APLF: variants seen among roughly 807,000 people sequenced by gnomAD.
The protein encoded by APLF is aprataxin and PNK-like factor.
In APLF, 61 loss-of-function variants were observed where a neutral mutation model predicts 55.6. The observed-to-expected ratio is 1.10, with a 90% CI of 0.89 to 1.36. The LOEUF is 1.36. Among genes scored for constraint, APLF ranks in the 40% most tolerant of loss-of-function variants. The probability of loss-of-function intolerance (pLI) is 0.00; values close to 1 mark genes in which losing one functional copy is unlikely to be tolerated. For synonymous variants in APLF, 207 were observed against 214.8 expected (o/e 0.96, Z 0.32); for missense variants, 611 against 602.5 (o/e 1.01, Z -0.15).
chr2:68,505,729 G>A (rs551816288), intron 3 of APLF, among the ~76,000 whole-genome samples: 1 of 152,164 alleles, frequency 6.6e-6, no homozygotes, highest in South Asian at 2.1e-4. Context: ...TTCCAGTGGA[G>A]TGTTGGGGTA....
rs556886306 is a variant in APLF, at chr2:68,573,859, T to C, written c.1334-3961T>C. 1.4e-4 allele frequency among the ~76,000 whole-genome samples: 21 copies of C among 150,810 alleles called. No individual in the cohort carries two copies. In the East Asian group the frequency reaches 3.9e-3, roughly 28 times the overall value. On this transcript the variant is annotated intron_variant, in intron 9 of 9. Transcript: ENST00000303795. ...ATGCACATTATCACATAACATGTCC[T>C]AATGATATCTCAATAAGACAGTTTC...
chr2:68,467,791 CG>C lies in APLF; in HGVS notation c.64del (p.Glu22ArgfsTer3), dbSNP rs1198737162. ...GCGGTCCCCGGGTGGCCCTGGCGCCCGGGGAGACGGTGATCGGCCGCGGGCC... is the reference window on the plus strand; with the variant it reads ...GCGGTCCCCGGGTGGCCCTGGCGCCCGGGAGACGGTGATCGGCCGCGGGCC... ...DGGPRVALAP[G>X]ETVIGRGPLL... On this transcript the variant is annotated frameshift_variant, in exon 1 of 10. Transcript: ENST00000303795. LOFTEE classifies it high-confidence loss of function. 1 of 1,234,030 alleles carries C rather than the reference CG, an allele frequency of 8.1e-7. No homozygotes were observed. The highest frequency in any genetic ancestry group is 1.0e-6 in the Non-Finnish European group (1 of 988,108). 76.4% of individuals were successfully genotyped at this position (1,234,030 alleles called of 1,614,324 possible). A position where few individuals can be genotyped will look rare whatever the true frequency, so the allele number is the denominator to read the frequency against.
intron 1 of APLF, among the ~76,000 whole-genome samples, chr2:68,489,251 G>A (rs906406861): frequency 6.6e-6 from 1 of 152,174 alleles, no homozygotes; most frequent in African/African-American, 2.4e-5. Context: ...AGGTTTAATT[G>A]AGTTTATGTG....
intron 9 of APLF, among the ~76,000 whole-genome samples, chr2:68,571,180 G>T (rs1199903511): frequency 6.6e-6 from 1 of 151,942 alleles, no homozygotes; most frequent in Non-Finnish European, 1.5e-5. Context: ...GTTCTTTGTA[G>T]ATTCTGGATA....
intron 5 of APLF, 46 bp from the exon 6 acceptor site, chr2:68,526,015 T>G: frequency 6.5e-7 from 1 of 1,526,868 alleles, no homozygotes; most frequent in East Asian, 2.3e-5. Context: ...TATTGACATT[T>G]GAAGATACAG....
chr2:68,576,221 G>A (rs941515921), intron 9 of APLF, among the ~76,000 whole-genome samples: 2 of 152,068 alleles, frequency 1.3e-5, no homozygotes, highest in Non-Finnish European at 2.9e-5. Flanking sequence ...ATTTCCAAGA[G>A]GAAAATAGAC....
chr2:68,482,092 T>A (rs986270133), intron 1 of APLF, among the ~76,000 whole-genome samples: 2 of 143,950 alleles, frequency 1.4e-5, no homozygotes, highest in Non-Finnish European at 3.0e-5. Flanking sequence ...TTTTATAAAT[T>A]TCTTTTTTTT....
Position 68,502,954 on chromosome 2 carries a change from T to C in APLF, c.341+51T>C. The C allele has an allele frequency of 1.3e-6, 2 of 1,551,210 alleles. 1 individual carries two copies. The highest frequency in any genetic ancestry group is 2.4e-5 in the South Asian group (2 of 82,342). On this transcript the variant is annotated intron_variant, in intron 3 of 9. Coordinates refer to ENST00000303795, the MANE Select transcript of APLF (RefSeq NM_173545.3). ...AGAATGTTATTTTTAATCTAATTCCTCAGCCATCACAAATCCTTCGGTAGG... is the reference window on the plus strand; with the variant it reads ...AGAATGTTATTTTTAATCTAATTCCCCAGCCATCACAAATCCTTCGGTAGG...
chr2:68,499,729 C>T (rs1298743940), intron 2 of APLF, among the ~76,000 whole-genome samples: 1 of 152,122 alleles, frequency 6.6e-6, no homozygotes, highest in Non-Finnish European at 1.5e-5. Context: ...GTCCCAGCTA[C>T]TCAGGGGGCT....
chr2:68,574,052 A>G (rs998935323), intron 9 of APLF, among the ~76,000 whole-genome samples: 5 of 151,806 alleles, frequency 3.3e-5, no homozygotes, highest in Non-Finnish European at 7.4e-5. Flanking sequence ...TTTCAAGTTT[A>G]CCTGGACTTA....
At chr2:68,563,899 T>C (rs979813430) in intron 8 of APLF, among the ~76,000 whole-genome samples, 1 of 152,038 alleles carries the variant, frequency 6.6e-6, no homozygotes, top group Non-Finnish European at 1.5e-5. Flanking sequence ...AAGACACCCA[T>C]ATAGAATGTT....
At chr2:68,492,006 C>T (rs1168575922) in intron 2 of APLF, among the ~76,000 whole-genome samples, 1 of 152,136 alleles carries the variant, frequency 6.6e-6, no homozygotes. Flanking sequence ...AGAAAACCGT[C>T]ATATTTACTA....
intron 3 of APLF, among the ~76,000 whole-genome samples, chr2:68,511,027 G>A (rs1033646845): frequency 2.6e-5 from 4 of 151,838 alleles, no homozygotes; most frequent in Admixed American, 1.3e-4. Flanking sequence ...AGAGGCAATA[G>A]GAAGAGATTG....
chr2:68,522,555 C>T (rs1369057046), intron 5 of APLF, among the ~76,000 whole-genome samples: 1 of 151,772 alleles, frequency 6.6e-6, no homozygotes, highest in East Asian at 1.9e-4. Flanking sequence ...TACGGTCAGG[C>T]ACAATTTGAA....
At chr2:68,562,422 T>C (rs1671195081) in intron 8 of APLF, among the ~76,000 whole-genome samples, 2 of 152,046 alleles carry the variant, frequency 1.3e-5, no homozygotes, top group Non-Finnish European at 2.9e-5. Flanking sequence ...ATGAAAGATA[T>C]TAAAAAGTTT....
chr2:68,543,643 C>T (rs1477010178), intron 7 of APLF, among the ~76,000 whole-genome samples: 4 of 152,276 alleles, frequency 2.6e-5, no homozygotes, highest in African/African-American at 9.6e-5. Flanking sequence ...TACGAGAATG[C>T]TCATTGCAGT....
chr2:68,529,425 G>A lies in APLF; in HGVS notation c.804+3183G>A, dbSNP rs1670180139. On this transcript the variant is annotated intron_variant, in intron 6 of 9. Coordinates refer to ENST00000303795, the MANE Select transcript of APLF (RefSeq NM_173545.3). This position sits in a 1 kb window ranked among gnomAD's most constrained non-coding sequence, Gnocchi z 4.4. ...TGCCGATGGCATGGCCAGGACCTGC[G>A]GCGGAACCAGGAACAAAATACGCTT... 4 of 1,216,090 alleles carry A rather than the reference G, an allele frequency of 3.3e-6. No homozygotes were observed. The highest frequency in any genetic ancestry group is 1.5e-5 in the African/African-American group (1 of 64,854). The allele number at this position is 1,216,090 out of a possible 1,614,324, so 75.3% of individuals were successfully genotyped here. A position where few individuals can be genotyped will look rare whatever the true frequency, so the allele number is the denominator to read the frequency against.
At chr2:68,503,546 A>G (rs974309507) in intron 3 of APLF, among the ~76,000 whole-genome samples, 46 of 152,170 alleles carry the variant, frequency 3.0e-4, no homozygotes, top group African/African-American at 1.1e-3. Context: ...GTCAGAAATC[A>G]TTAACAATAA....
At chr2:68,528,594 C>T in intron 6 of APLF, 2 of 1,534,028 alleles carry the variant, frequency 1.3e-6, no homozygotes, top group African/African-American at 1.4e-5. Context: ...GTCAGCAAGC[C>T]TGGAGAGCTG....
Sources: gnomAD v4.1 joint callset for allele counts (sites outside exome capture counted in the v4.1 genomes callset) on GRCh38, gnomAD v4.1.1 for gene constraint, Gnocchi (gnomAD v3.1) non-coding constraint, MANE v1.5 for transcripts, NCBI Gene and HGNC (gene_info 2026-07-23, HGNC 2026-07-21) for gene names.